Variants in RGS7BP observed in about 807,000 individuals in gnomAD.
RGS7BP encodes regulator of G protein signaling 7 binding protein, also known as regulator of G protein signaling 7-binding protein.
Under a neutral mutation model 31.3 loss-of-function variants are expected in RGS7BP, and 9 were observed. The ratio of observed to expected loss-of-function variants is 0.29; its 90% CI spans 0.17 to 0.50. The LOEUF (loss-of-function observed/expected upper bound fraction) is 0.50. Ranked by LOEUF, RGS7BP falls within the 20% of genes least tolerant of loss-of-function variation. RGS7BP has a pLI of 0.98. For missense variants in RGS7BP, 274 were observed against 322.0 expected (o/e 0.85, Z 1.14); for synonymous variants, 115 against 120.1 (o/e 0.96, Z 0.28).
Position 64,594,694 on chromosome 5 carries a change from A to T in RGS7BP, c.464-16A>T. 6 of 1,612,886 alleles carry T rather than the reference A, an allele frequency of 3.7e-6. No individual in the cohort carries two copies. Among genetic ancestry groups the T allele is most frequent in the Non-Finnish European group, 5.1e-6 (6 of 1,179,378 alleles). On this transcript the variant is annotated splice_polypyrimidine_tract_variant and intron_variant, in intron 3 of 5. Coordinates refer to ENST00000334025, the MANE Select transcript of RGS7BP (RefSeq NM_001029875.3). ...TCTTTTTCCTCTTCTCTTTACCAAC[A>T]CCCTCCCTCCCTTAGGAAAGGAACC... is the stretch of plus-strand genomic sequence containing the variant.
intron 3 of RGS7BP, among the ~76,000 whole-genome samples, chr5:64,581,026 C>A (rs1742583508): frequency 6.6e-6 from 1 of 152,032 alleles, no homozygotes; most frequent in Admixed American, 6.6e-5. Flanking sequence ...CCAGCCTGGG[C>A]AACATGGTGA....
chr5:64,544,135 G>A (rs1741590937), intron 2 of RGS7BP, among the ~76,000 whole-genome samples: 1 of 152,134 alleles, frequency 6.6e-6, no homozygotes, highest in Admixed American at 6.6e-5. Context: ...AACAAATACT[G>A]AGCCAATGTG....
At chr5:64,586,556 GCCCACTCAATGTGTCCCTCAA>G (rs1164827445) in intron 3 of RGS7BP, among the ~76,000 whole-genome samples, 1 of 152,166 alleles carries the variant, frequency 6.6e-6, no homozygotes, top group Non-Finnish European at 1.5e-5. Context: ...CTGGGCCAAT[GCCCACTCAATGTGTCCCTCAA>G]GCATTTCCAT....
At chr5:64,544,048 G>C (rs1177030300) in intron 2 of RGS7BP, among the ~76,000 whole-genome samples, 3 of 152,198 alleles carry the variant, frequency 2.0e-5, no homozygotes, top group African/African-American at 7.2e-5. Context: ...GTTAATAGCA[G>C]AGTTACATGT....
chr5:64,511,144 C>A (rs1334819147), intron 2 of RGS7BP, among the ~76,000 whole-genome samples: 2 of 152,342 alleles, frequency 1.3e-5, no homozygotes, highest in Admixed American at 6.5e-5. Flanking sequence ...CCCTGACCAA[C>A]TGAAACCCTC....
intron 3 of RGS7BP, among the ~76,000 whole-genome samples, chr5:64,588,443 A>G (rs1043034509): frequency 2.0e-5 from 3 of 152,108 alleles, no homozygotes; most frequent in Admixed American, 2.0e-4. Context: ...AAGACACAGA[A>G]TCCCTAAGCT....
chr5:64,584,804 T>C (rs1342242858), intron 3 of RGS7BP, among the ~76,000 whole-genome samples: 1 of 152,250 alleles, frequency 6.6e-6, no homozygotes, highest in Non-Finnish European at 1.5e-5. Context: ...GCATAATTAT[T>C]ATTTTTTGCC....
intron 3 of RGS7BP, among the ~76,000 whole-genome samples, chr5:64,582,524 T>C (rs1742628489): frequency 6.6e-6 from 1 of 152,200 alleles, no homozygotes; most frequent in African/African-American, 2.4e-5. Flanking sequence ...AGCAAAATTG[T>C]CCCCAGGTCC....
At chr5:64,522,866 A>G (rs1418385241) in intron 2 of RGS7BP, among the ~76,000 whole-genome samples, 1 of 152,202 alleles carries the variant, frequency 6.6e-6, no homozygotes, top group Admixed American at 6.5e-5. Flanking sequence ...CAAAAGATAT[A>G]TGTGATCACA....
chr5:64,540,121 T>A (rs1056497800), intron 2 of RGS7BP, among the ~76,000 whole-genome samples: 141 of 152,178 alleles, frequency 9.3e-4, no homozygotes, highest in African/African-American at 3.3e-3. Context: ...TTTTGATATT[T>A]TCTGTAGTTG....
intron 2 of RGS7BP, among the ~76,000 whole-genome samples, chr5:64,515,241 C>T (rs272626): frequency 0.33 from 49,639 of 151,978 alleles, 8,428 homozygotes; most frequent in Admixed American, 0.39. Context: ...GATTAGTTTA[C>T]ATCTTATTAC....
intron 2 of RGS7BP, among the ~76,000 whole-genome samples, chr5:64,574,171 T>A (rs1742364369): frequency 6.6e-6 from 1 of 152,150 alleles, no homozygotes; most frequent in Non-Finnish European, 1.5e-5. Context: ...ACATGAACCA[T>A]TAATGCCCAT....
intron 3 of RGS7BP, among the ~76,000 whole-genome samples, chr5:64,579,331 G>C (rs1474748080): frequency 6.6e-6 from 1 of 151,986 alleles, no homozygotes; most frequent in East Asian, 1.9e-4. Context: ...GGATCACGAG[G>C]TCAGGAGTTC....
chr5:64,521,868 T>A (rs1333086182), intron 2 of RGS7BP, among the ~76,000 whole-genome samples: 1 of 152,256 alleles, frequency 6.6e-6, no homozygotes, highest in Middle Eastern at 3.2e-3. Flanking sequence ...TCTATGCTGC[T>A]GTAACAAAAT....
intron 5 of RGS7BP, among the ~76,000 whole-genome samples, chr5:64,604,564 T>C (rs538198875): frequency 6.6e-5 from 10 of 152,236 alleles, no homozygotes; most frequent in African/African-American, 2.4e-4. Context: ...CAGCAATGTC[T>C]GGGAACTTGT....
intron 2 of RGS7BP, among the ~76,000 whole-genome samples, chr5:64,572,327 G>A (rs1308131095): frequency 1.3e-5 from 2 of 152,078 alleles, no homozygotes; most frequent in African/African-American, 4.8e-5. Flanking sequence ...TCCCAAAAAT[G>A]TATTTCAGTT....
In RGS7BP at chr5:64,552,673, G is replaced by A. The variant is rs140393111; in HGVS notation, c.333-23101G>A. Among the ~76,000 whole-genome samples the A allele has an allele frequency of 4.2e-3, 636 of 152,234 alleles. 4 individuals carry two copies. The highest frequency in any genetic ancestry group is 0.015 in the African/African-American group (615 of 41,532). ...GTCTGAATTTAGATTGTGGCTTTCT[G>A]GCCTTGTAAATGTTGCTATTTTCTT... On this transcript the variant is annotated intron_variant, in intron 2 of 5. Coordinates refer to ENST00000334025, the MANE Select transcript of RGS7BP (RefSeq NM_001029875.3).
chr5:64,520,918 G>C (rs986992552), intron 2 of RGS7BP, among the ~76,000 whole-genome samples: 1 of 152,220 alleles, frequency 6.6e-6, no homozygotes, highest in African/African-American at 2.4e-5. Context: ...AGAAGTCATA[G>C]GAAATGAGAT....
At chr5:64,521,374 A>G (rs1339286600) in intron 2 of RGS7BP, among the ~76,000 whole-genome samples, 1 of 152,138 alleles carries the variant, frequency 6.6e-6, no homozygotes, top group Non-Finnish European at 1.5e-5. Flanking sequence ...CTCCTGCCTC[A>G]GCCTCCCAAG....
Sources: gnomAD v4.1 joint callset for allele counts (sites outside exome capture counted in the v4.1 genomes callset) on GRCh38, gnomAD v4.1.1 for gene constraint, MANE v1.5 for transcripts, NCBI Gene and HGNC (gene_info 2026-07-23, HGNC 2026-07-21) for gene names.